NEMP2: variants seen among roughly 807,000 people sequenced by gnomAD.
NEMP2 encodes the protein UPF0571 transmembrane protein.
A neutral mutation model predicts 54.2 loss-of-function variants in NEMP2; 53 were observed. That is an observed-to-expected ratio of 0.98 (90% CI 0.78 to 1.23). The LOEUF (loss-of-function observed/expected upper bound fraction) is 1.23. Ranked by LOEUF, NEMP2 falls within the 50% of genes most tolerant of loss-of-function variation. The probability of loss-of-function intolerance (pLI) is 0.00; values close to 1 mark genes in which losing one functional copy is unlikely to be tolerated. For synonymous variants in NEMP2, 197 were observed against 190.3 expected (o/e 1.04, Z -0.29); for missense variants, 455 against 511.3 (o/e 0.89, Z 1.06).
At chr2:190,633,577 G>C in the NEMP2 span, among the ~76,000 whole-genome samples, 2 of 152,032 alleles carry the variant, frequency 1.3e-5, no homozygotes, top group South Asian at 4.1e-4. Context: ...GCCACCCAAA[G>C]TGCTGGGATT....
chr2:190,426,267 T>A, the NEMP2 span, among the ~76,000 whole-genome samples: 1 of 152,210 alleles, frequency 6.6e-6, no homozygotes, highest in Non-Finnish European at 1.5e-5. This position sits in a 1 kb window ranked among gnomAD's most constrained non-coding sequence, Gnocchi z 4.7. Flanking sequence ...ATTGTGTAAT[T>A]CCTATTGTTC....
At chr2:190,581,411 G>A in the NEMP2 span, among the ~76,000 whole-genome samples, 10 of 152,180 alleles carry the variant, frequency 6.6e-5, no homozygotes, top group South Asian at 4.2e-4. Context: ...TGTAAGTAAC[G>A]AACTACCATA....
the NEMP2 span, among the ~76,000 whole-genome samples, chr2:190,482,169 G>A: frequency 6.6e-6 from 1 of 152,182 alleles, no homozygotes; most frequent in Non-Finnish European, 1.5e-5. Context: ...ATTGCAGATG[G>A]CAGATTCTCT....
At chr2:190,438,702 C>T in the NEMP2 span, among the ~76,000 whole-genome samples, 6 of 152,282 alleles carry the variant, frequency 3.9e-5, no homozygotes, top group South Asian at 1.2e-3. This position sits in a 1 kb window ranked among gnomAD's most constrained non-coding sequence, Gnocchi z 5.2. Flanking sequence ...TGTGAAGTTG[C>T]TGTAACTAAA....
the NEMP2 span, among the ~76,000 whole-genome samples, chr2:190,421,659 G>A: frequency 1.9e-4 from 29 of 151,866 alleles, no homozygotes; most frequent in African/African-American, 4.4e-4. Flanking sequence ...ATAGCTCACT[G>A]TCCTGGGCAC....
chr2:190,617,675 C>T, the NEMP2 span, among the ~76,000 whole-genome samples: 3 of 152,176 alleles, frequency 2.0e-5, no homozygotes, highest in Non-Finnish European at 4.4e-5. This position sits in a 1 kb window ranked among gnomAD's most constrained non-coding sequence, Gnocchi z 5.0. Flanking sequence ...GGGAAATTTA[C>T]TCAGAATAAA....
the NEMP2 span, among the ~76,000 whole-genome samples, chr2:190,446,469 T>C: frequency 2.0e-5 from 3 of 152,126 alleles, no homozygotes; most frequent in East Asian, 5.8e-4. Context: ...AAAACCCAAC[T>C]GAAAAGTAGT....
the NEMP2 span, among the ~76,000 whole-genome samples, chr2:190,570,042 C>T: frequency 6.6e-6 from 1 of 152,140 alleles, no homozygotes; most frequent in Non-Finnish European, 1.5e-5. The surrounding 1 kb of genome is among the most constrained non-coding windows in gnomAD (Gnocchi z 5.4). Context: ...GGTAGGCAGT[C>T]CTCCTGGATC....
the NEMP2 span, chr2:190,497,547 C>G: frequency 6.2e-7 from 1 of 1,614,138 alleles, no homozygotes; most frequent in Non-Finnish European, 8.5e-7. The surrounding 1 kb of genome is among the most constrained non-coding windows in gnomAD (Gnocchi z 5.2). Flanking sequence ...CGCATTGAGC[C>G]CAGACTTCCA....
At chr2:190,586,945 G>A in the NEMP2 span, among the ~76,000 whole-genome samples, 1 of 152,052 alleles carries the variant, frequency 6.6e-6, no homozygotes, top group African/African-American at 2.4e-5. The surrounding 1 kb of genome is among the most constrained non-coding windows in gnomAD (Gnocchi z 4.5). Flanking sequence ...CCTCTTGTGA[G>A]AATTTTCATT....
At chr2:190,432,485 C>T in the NEMP2 span, among the ~76,000 whole-genome samples, 32 of 152,112 alleles carry the variant, frequency 2.1e-4, no homozygotes, top group African/African-American at 6.0e-4. Context: ...GGCGTGATCT[C>T]GGCTCTCTGC....
the NEMP2 span, among the ~76,000 whole-genome samples, chr2:190,594,265 T>G: frequency 6.6e-6 from 1 of 152,220 alleles, no homozygotes; most frequent in Non-Finnish European, 1.5e-5. This position sits in a 1 kb window ranked among gnomAD's most constrained non-coding sequence, Gnocchi z 5.6. Context: ...CAAGGACTTC[T>G]CATAGCTACC....
intron 5 of NEMP2, among the ~76,000 whole-genome samples, chr2:190,516,967 T>C (rs368221962): frequency 3.3e-5 from 5 of 151,884 alleles, no homozygotes; most frequent in African/African-American, 1.2e-4. Context: ...GGTGTGTGCC[T>C]GTAGTCCCAG....
the NEMP2 span, among the ~76,000 whole-genome samples, chr2:190,495,130 C>A: frequency 6.6e-6 from 1 of 152,130 alleles, no homozygotes; most frequent in African/African-American, 2.4e-5. The surrounding 1 kb of genome is among the most constrained non-coding windows in gnomAD (Gnocchi z 4.7). Context: ...GCTCTTAGAA[C>A]TGATAAATGA....
At chr2:190,471,165 GAC>G in the NEMP2 span, among the ~76,000 whole-genome samples, 1 of 152,186 alleles carries the variant, frequency 6.6e-6, no homozygotes, top group African/African-American at 2.4e-5. The surrounding 1 kb of genome is among the most constrained non-coding windows in gnomAD (Gnocchi z 4.7). Flanking sequence ...CAGCGTAAGT[GAC>G]ACAGAAGACT....
At chr2:190,626,351 A>G in the NEMP2 span, 1 of 152,176 alleles carries the variant, frequency 6.6e-6, no homozygotes, top group Non-Finnish European at 1.5e-5. This position sits in a 1 kb window ranked among gnomAD's most constrained non-coding sequence, Gnocchi z 4.5. Flanking sequence ...GAAAATAATA[A>G]TTAATTTAAA....
chr2:190,584,718 T>G, the NEMP2 span, among the ~76,000 whole-genome samples: 1 of 151,624 alleles, frequency 6.6e-6, no homozygotes, highest in African/African-American at 2.4e-5. This position sits in a 1 kb window ranked among gnomAD's most constrained non-coding sequence, Gnocchi z 4.2. Context: ...GCAAAAAAAA[T>G]TTTAAAAATT....
At chr2:190,427,114 T>G in the NEMP2 span, among the ~76,000 whole-genome samples, 1 of 152,240 alleles carries the variant, frequency 6.6e-6, no homozygotes, top group Non-Finnish European at 1.5e-5. Context: ...GATTCTCTAC[T>G]GTAACTCCTG....
chr2:190,636,770 A>G, the NEMP2 span, among the ~76,000 whole-genome samples: 45 of 152,374 alleles, frequency 3.0e-4, no homozygotes, highest in Non-Finnish European at 5.1e-4. Flanking sequence ...TTTAGTACTT[A>G]TAAGTCATTA....
Sources: allele counts gnomAD v4.1 joint callset (sites outside exome capture counted in the v4.1 genomes callset), GRCh38; gene constraint gnomAD v4.1.1; non-coding constraint Gnocchi (gnomAD v3.1); transcripts MANE v1.5; gene names NCBI Gene and HGNC (gene_info 2026-07-23, HGNC 2026-07-21).